The following RPAP2 variants were observed in gnomAD, a reference collection of about 807,000 sequenced individuals.
The protein encoded by RPAP2 is putative RNA polymerase II subunit B1 CTD phosphatase RPAP2.
RPAP2 carries 52 observed loss-of-function variants against 73.1 expected under a neutral mutation model. The observed-to-expected ratio is 0.71, with a 90% CI of 0.57 to 0.90. RPAP2 has a LOEUF of 0.90. Among genes scored for constraint, RPAP2 ranks in the 40% least tolerant of loss-of-function variants. RPAP2 has a pLI of 0.00. For missense variants in RPAP2, 598 were observed against 701.8 expected, an observed-to-expected ratio of 0.85 and a Z score of 1.67; for synonymous variants, 225 against 242.1, an observed-to-expected ratio of 0.93 and a Z score of 0.65.
intron 10 of RPAP2, among the ~76,000 whole-genome samples, chr1:92,341,922 C>A (rs1356879222): frequency 6.6e-6 from 1 of 152,196 alleles, no homozygotes. Flanking sequence ...GGATTACAGG[C>A]GTGAGCCAAC....
At chr1:92,336,015 C>G (rs1653258904) in intron 9 of RPAP2, among the ~76,000 whole-genome samples, 1 of 152,154 alleles carries the variant, frequency 6.6e-6, no homozygotes, top group Admixed American at 6.5e-5. Context: ...TCAGATTGGA[C>G]CATTTTGGGG....
At chr1:92,333,152 A>C (rs972524640) in intron 8 of RPAP2, 2 of 451,622 alleles carry the variant, frequency 4.4e-6, no homozygotes, top group Non-Finnish European at 7.9e-6. Flanking sequence ...GGAGGTATTA[A>C]TATCCCAATT....
intron 3 of RPAP2, 75 bp downstream of exon 3, chr1:92,301,665 C>A: frequency 1.8e-6 from 1 of 551,476 alleles, no homozygotes; most frequent in Non-Finnish European, 3.1e-6. Flanking sequence ...AACTTCTTTG[C>A]ATTATTAGAA....
At position 92,343,872 on chromosome 1, in the gene RPAP2, A is replaced by G. The variant is rs114614604; in HGVS notation, c.1620-1974A>G. Among the ~76,000 whole-genome samples the G allele has an allele frequency of 2.6e-3, 389 of 152,328 alleles. 1 individual carries two copies. The highest frequency in any genetic ancestry group is 4.4e-3 in the Non-Finnish European group (296 of 68,028). On this transcript the variant is annotated intron_variant, in intron 10 of 12. Transcript: ENST00000610020. ...TAATACTGTGGTCCAGATAGGCCTTATTGCAAAGATGACATAAGGAAACTT... is the reference window on the plus strand; with the variant it reads ...TAATACTGTGGTCCAGATAGGCCTTGTTGCAAAGATGACATAAGGAAACTT...
intron 8 of RPAP2, among the ~76,000 whole-genome samples, chr1:92,326,215 G>A (rs1652617723): frequency 6.6e-6 from 1 of 151,924 alleles, no homozygotes. Flanking sequence ...AGCCATTCTG[G>A]TAGTATTGGT....
chr1:92,333,160 A>G (rs539668871), intron 8 of RPAP2: 4 of 466,248 alleles, frequency 8.6e-6, no homozygotes, highest in African/African-American at 3.9e-5. Context: ...TAATATCCCA[A>G]TTATAAAGAT....
At chr1:92,363,007 C>G (rs931881384) in intron 11 of RPAP2, among the ~76,000 whole-genome samples, 6 of 152,214 alleles carry the variant, frequency 3.9e-5, no homozygotes, top group African/African-American at 1.4e-4. Context: ...CAAGGTTATA[C>G]ATTGAGATAG....
At position 92,390,590 on chromosome 1, in the gene RPAP2, A is replaced by G. The variant is rs1656009527; in HGVS notation, c.*3579A>G. ...GGGATAAATGCCCCAATTAAAAGAC[A>G]CAGACTGGCAAATTGAATAAACAGT... On this transcript the variant is annotated 3_prime_UTR_variant, in exon 13 of 13. Transcript: ENST00000610020. The G allele has an allele frequency of 6.6e-6, 1 of 152,252 alleles. No homozygotes were observed. The highest frequency in any genetic ancestry group is 1.5e-5 in the Non-Finnish European group (1 of 68,044). The allele number at this position is 152,252 out of a possible 1,614,324, so 9.4% of individuals were successfully genotyped here.
chr1:92,323,601 T>C lies in RPAP2; in HGVS notation c.681T>C (p.Ile227=). 6.2e-7 allele frequency: 1 copy of C among 1,614,096 alleles called. No homozygotes were observed. The highest frequency in any genetic ancestry group is 8.5e-7 in the Non-Finnish European group (1 of 1,179,982). The part of the protein sequence containing the change: ...SDNEQDFVSS[I]LPGNRPNSTN... ...ATGAGCAAGACTTTGTTTCCTCCAT[T>C]CTACCAGGAAACAGACCAAATTCAA... is the stretch of plus-strand genomic sequence containing the variant. Residue 227 remains isoleucine, a synonymous_variant, in exon 8 of 13, where the codon ATT becomes ATC. Coordinates refer to ENST00000610020, the MANE Select transcript of RPAP2 (RefSeq NM_024813.3).
intron 11 of RPAP2, among the ~76,000 whole-genome samples, chr1:92,350,815 C>T (rs1654164670): frequency 2.0e-5 from 3 of 151,998 alleles, no homozygotes; most frequent in South Asian, 2.1e-4. Context: ...GCCTATAGTT[C>T]CAGCTACTCT....
At chr1:92,318,564 T>G (rs927411137) in intron 6 of RPAP2, among the ~76,000 whole-genome samples, 11 of 152,294 alleles carry the variant, frequency 7.2e-5, no homozygotes, top group African/African-American at 2.6e-4. Flanking sequence ...CCATAGTAGA[T>G]AGTTTAACCC....
chr1:92,394,809 T>C lies in RPAP2; in HGVS notation c.*7798T>C, dbSNP rs1369315385. On this transcript the variant is annotated 3_prime_UTR_variant, in exon 13 of 13. Transcript: ENST00000610020. ...TCCCTATCAAAATCACAGCAGGCTT[T>C]TTTGAAAAATTGACAAGCCAATCTT... The C allele has an allele frequency of 1.3e-5, 2 of 150,486 alleles. No individual in the cohort carries two copies. Among genetic ancestry groups the C allele is most frequent in the African/African-American group, 2.5e-5 (1 of 39,962 alleles). The allele number at this position is 150,486 out of a possible 1,614,324, so 9.3% of individuals were successfully genotyped here.
chr1:92,310,307 A>G (rs1651515686), intron 6 of RPAP2, among the ~76,000 whole-genome samples: 1 of 152,176 alleles, frequency 6.6e-6, no homozygotes, highest in African/African-American at 2.4e-5. Flanking sequence ...TTTTTCAGAC[A>G]TCTTTTTACC....
At position 92,324,163 on chromosome 1, in the gene RPAP2, G is replaced by T. The variant is rs1309517182; in HGVS notation, c.1243G>T (p.Asp415Tyr). Residue 415 changes from aspartate to tyrosine, a missense_variant, in exon 8 of 13, where the codon GAT becomes TAT. Coordinates refer to ENST00000610020, the MANE Select transcript of RPAP2 (RefSeq NM_024813.3). ...EELDEDDIIS[D>Y]PDSHFPAWRE... The stretch of plus-strand genomic sequence containing the variant: ...ACTTGATGAAGATGACATAATCTCA[G>T]ATCCAGATAGTCATTTCCCTGCCTG... The T allele has an allele frequency of 7.4e-6, 12 of 1,614,002 alleles. No individual in the cohort carries two copies. The highest frequency in any genetic ancestry group is 1.3e-5 in the African/African-American group (1 of 74,928).
At chr1:92,345,603 G>C (rs1295855099) in intron 10 of RPAP2, among the ~76,000 whole-genome samples, 1 of 151,876 alleles carries the variant, frequency 6.6e-6, no homozygotes, top group African/African-American at 2.4e-5. Flanking sequence ...ATCTTGTCTA[G>C]TAGTAATATT....
intron 11 of RPAP2, among the ~76,000 whole-genome samples, chr1:92,374,353 G>C (rs1449710797): frequency 1.3e-5 from 2 of 152,158 alleles, no homozygotes; most frequent in Non-Finnish European, 2.9e-5. Flanking sequence ...AACAGTTCTG[G>C]TATTAAGTCT....
At position 92,338,579 on chromosome 1, in the gene RPAP2, A is replaced by T. The variant is rs116130010; in HGVS notation, c.1619+2152A>T. The stretch of plus-strand genomic sequence containing the variant: ...TTGTTCAGGATTTACCAGGGAGTGA[A>T]TATCATCATACTAACATAAAGTCGA... On this transcript the variant is annotated intron_variant, in intron 10 of 12. Transcript: ENST00000610020. Among the ~76,000 whole-genome samples, 271 of 152,246 alleles carry T rather than the reference A, an allele frequency of 1.8e-3. 3 individuals carry two copies. The highest frequency in any genetic ancestry group is 6.0e-3 in the African/African-American group (248 of 41,572).
intron 11 of RPAP2, among the ~76,000 whole-genome samples, chr1:92,364,319 A>C: frequency 6.6e-6 from 1 of 152,300 alleles, no homozygotes; most frequent in East Asian, 1.9e-4. Flanking sequence ...TAAAGCAAGG[A>C]TGCAAGAGGT....
intron 6 of RPAP2, among the ~76,000 whole-genome samples, chr1:92,311,820 T>G (rs1350553206): frequency 6.6e-6 from 1 of 152,224 alleles, no homozygotes; most frequent in Non-Finnish European, 1.5e-5. Flanking sequence ...TAGCGTTATA[T>G]CTTTAAAAAA....
Sources: gnomAD v4.1 joint callset for allele counts (sites outside exome capture counted in the v4.1 genomes callset) on GRCh38, gnomAD v4.1.1 for gene constraint, MANE v1.5 for transcripts, NCBI Gene and HGNC (gene_info 2026-07-23, HGNC 2026-07-21) for gene names.